The following COL8A1 variants were observed in gnomAD, a reference collection of about 807,000 sequenced individuals.
COL8A1 encodes collagen alpha-1(VIII) chain.
A neutral mutation model predicts 42.7 loss-of-function variants in COL8A1; 21 were observed. The ratio of observed to expected loss-of-function variants is 0.49; its 90% CI spans 0.35 to 0.71. The LOEUF (loss-of-function observed/expected upper bound fraction) is 0.71. COL8A1 is among the 30% of genes least tolerant of loss of function. The pLI is 0.01. For missense variants in COL8A1, 788 were observed against 962.4 expected (o/e 0.82, Z 2.40); for synonymous variants, 367 against 369.1 (o/e 0.99, Z 0.06).
chr3:99,724,911 G>C (rs1940259444), intron 1 of COL8A1, among the ~76,000 whole-genome samples: 2 of 152,040 alleles, frequency 1.3e-5, no homozygotes, highest in African/African-American at 2.4e-5. Context: ...AATATATTTG[G>C]AGGTGTATGT....
chr3:99,738,753 C>G (rs1255098336), intron 1 of COL8A1, among the ~76,000 whole-genome samples: 2 of 152,178 alleles, frequency 1.3e-5, no homozygotes, highest in Admixed American at 6.5e-5. Context: ...GGGCTCCACC[C>G]AGTTCGAGCT....
At chr3:99,729,935 T>C (rs891210836) in intron 1 of COL8A1, among the ~76,000 whole-genome samples, 4 of 152,122 alleles carry the variant, frequency 2.6e-5, no homozygotes, top group Non-Finnish European at 4.4e-5. Context: ...TATGGAAACC[T>C]TGTGCCCAAT....
intron 2 of COL8A1, among the ~76,000 whole-genome samples, chr3:99,777,036 A>G (rs890725957): frequency 6.6e-6 from 1 of 152,034 alleles, no homozygotes. Flanking sequence ...CTTCACCACA[A>G]CCTGTTTTAT....
intron 2 of COL8A1, among the ~76,000 whole-genome samples, chr3:99,773,838 T>TATATATTATATATATATATATATATA (rs57465016): frequency 1.7e-5 from 1 of 58,418 alleles, no homozygotes; most frequent in Non-Finnish European, 3.0e-5. Context: ...TATATATATA[T>TATATATTATATATATATATATATATA]TTTTTTTTTT....
rs764196884 is a variant in COL8A1 at position 99,794,393 on chromosome 3, A to C, written c.492A>C (p.Gly164=). 3.1e-6 allele frequency: 5 copies of C among 1,614,028 alleles called. No individual in the cohort carries two copies. In the South Asian group the frequency reaches 5.5e-5, roughly 18 times the overall value. ...GAGTTGGAAAGCCAGGTATGCCTGG[A>C]ATGCCAGGGAAGCCAGGAGCCATGG... ...YPGVGKPGMP[G]MPGKPGAMGM... The change falls in exon 4 of 4, where the codon GGA becomes GGC. Residue 164 remains glycine (G), a synonymous_variant. Coordinates refer to ENST00000652472, the MANE Select transcript of COL8A1 (RefSeq NM_020351.4). The surrounding 1 kb of genome is among the most constrained non-coding windows in gnomAD (Gnocchi z 4.3).
At chr3:99,790,193 A>G (rs1941972827) in intron 2 of COL8A1, among the ~76,000 whole-genome samples, 1 of 152,230 alleles carries the variant, frequency 6.6e-6, no homozygotes, top group African/African-American at 2.4e-5. Context: ...TCATGGTCCA[A>G]GATGTGTGGT....
intron 1 of COL8A1, among the ~76,000 whole-genome samples, chr3:99,697,405 C>A (rs1350883655): frequency 6.6e-6 from 1 of 152,156 alleles, no homozygotes; most frequent in African/African-American, 2.4e-5. Context: ...ATGATTAGAT[C>A]TGCTAATAAA....
At chr3:99,789,474 T>C (rs1207872667) in intron 2 of COL8A1, among the ~76,000 whole-genome samples, 3 of 152,184 alleles carry the variant, frequency 2.0e-5, no homozygotes, top group East Asian at 3.9e-4. Flanking sequence ...GGAGTTCGTG[T>C]ATGCCCAGCA....
intron 1 of COL8A1, among the ~76,000 whole-genome samples, chr3:99,639,528 G>A (rs897154977): frequency 7.2e-5 from 11 of 152,064 alleles, no homozygotes; most frequent in African/African-American, 1.9e-4. Flanking sequence ...TTTTTCCCCC[G>A]CATTTAGTAA....
At chr3:99,776,063 AT>A (rs1941687147) in intron 2 of COL8A1, among the ~76,000 whole-genome samples, 1 of 152,180 alleles carries the variant, frequency 6.6e-6, no homozygotes, top group Non-Finnish European at 1.5e-5. Flanking sequence ...CTTATATCAC[AT>A]TGGCATTTCC....
intron 2 of COL8A1, among the ~76,000 whole-genome samples, chr3:99,759,032 T>G (rs887163925): frequency 9.9e-5 from 15 of 151,620 alleles, no homozygotes; most frequent in African/African-American, 3.6e-4. Flanking sequence ...TGCCACCTCC[T>G]CAGGAAAACC....
At chr3:99,733,118 CTTTTTTTT>C (rs71130093) in intron 1 of COL8A1, among the ~76,000 whole-genome samples, 1 of 132,326 alleles carries the variant, frequency 7.6e-6, no homozygotes, top group Non-Finnish European at 1.6e-5. Context: ...CAGCTTTTTT[CTTTTTTTT>C]TTTTTTTTAA....
intron 1 of COL8A1, among the ~76,000 whole-genome samples, chr3:99,649,945 GAC>G (rs1245171630): frequency 6.6e-6 from 1 of 152,092 alleles, no homozygotes; most frequent in African/African-American, 2.4e-5. Flanking sequence ...TTTCCCATGT[GAC>G]CATTGTCCCA....
chr3:99,794,264 TC>T lies in COL8A1; in HGVS notation c.367del (p.Arg123ValfsTer131). ...PLASLRGEQGPRGEPGPRGPP... is the reference protein window; with the variant it reads ...PLASLRGEQGXRGEPGPRGPP... ...TAGCCAGTTTACGAGGGGAACAAGG[TC>T]CCCGTGGAGAGCCTGGCCCAAGAGG... On this transcript the variant is annotated frameshift_variant, in exon 4 of 4. Transcript: ENST00000652472. LOFTEE classifies it high-confidence loss of function. This position sits in a 1 kb window ranked among gnomAD's most constrained non-coding sequence, Gnocchi z 4.3. 1 of 1,603,606 alleles carries T rather than the reference TC, an allele frequency of 6.2e-7. No homozygotes were observed. The highest frequency in any genetic ancestry group is 8.5e-7 in the Non-Finnish European group (1 of 1,175,534).
intron 2 of COL8A1, among the ~76,000 whole-genome samples, chr3:99,766,875 T>C (rs1357156882): frequency 2.6e-5 from 4 of 151,712 alleles, no homozygotes; most frequent in Admixed American, 1.3e-4. Context: ...CTTGAACTCA[T>C]GAGGCAGAGG....
At chr3:99,665,307 A>G (rs1938331185) in intron 1 of COL8A1, among the ~76,000 whole-genome samples, 1 of 152,248 alleles carries the variant, frequency 6.6e-6, no homozygotes, top group South Asian at 2.1e-4. Flanking sequence ...ATGATCGCTG[A>G]CTTCTCTACA....
intron 2 of COL8A1, among the ~76,000 whole-genome samples, chr3:99,785,676 G>A (rs1046988825): frequency 1.3e-5 from 2 of 152,330 alleles, no homozygotes; most frequent in African/African-American, 4.8e-5. Flanking sequence ...AGGGTGACCA[G>A]TGTGGCTGGT....
chr3:99,726,187 G>A (rs28891178), intron 1 of COL8A1, among the ~76,000 whole-genome samples: 1 of 152,118 alleles, frequency 6.6e-6, no homozygotes, highest in Non-Finnish European at 1.5e-5. Flanking sequence ...ACTTTTTCAT[G>A]TGTTTTTTGG....
At position 99,723,318 on chromosome 3, in the gene COL8A1, C is replaced by T. The variant is rs149758951; in HGVS notation, c.-128-21579C>T. 3.5e-3 allele frequency among the ~76,000 whole-genome samples: 536 copies of T among 152,132 alleles called. 2 individuals are homozygous for T. The highest frequency in any genetic ancestry group is 0.012 in the African/African-American group (504 of 41,522). On this transcript the variant is annotated intron_variant, in intron 1 of 3. Coordinates refer to ENST00000652472, the MANE Select transcript of COL8A1 (RefSeq NM_020351.4). ...AAAAGAAGAGAGATACCTATCGGCT[C>T]AGGGTGGTTGAGGTAGAGACCTGCC...
Sources: gnomAD v4.1 joint callset for allele counts (sites outside exome capture counted in the v4.1 genomes callset) on GRCh38, gnomAD v4.1.1 for gene constraint, Gnocchi (gnomAD v3.1) non-coding constraint, MANE v1.5 for transcripts, NCBI Gene and HGNC (gene_info 2026-07-23, HGNC 2026-07-21) for gene names.